ITPR1: variants seen among roughly 807,000 people sequenced by gnomAD.
The protein encoded by ITPR1 is inositol 1,4,5-trisphosphate receptor type 1.
A neutral mutation model predicts 318.4 loss-of-function variants in ITPR1; 96 were observed. The ratio of observed to expected loss-of-function variants is 0.30; its 90% CI spans 0.26 to 0.36. ITPR1 has a LOEUF of 0.36. Among genes scored for constraint, ITPR1 ranks in the 10% least tolerant of loss-of-function variants. The pLI, the probability that ITPR1 is intolerant of heterozygous loss-of-function variation, is 1.00. For missense variants in ITPR1, 2,440 were observed against 3,460.2 expected, an observed-to-expected ratio of 0.71 and a Z score of 7.40; for synonymous variants, 1,312 against 1,289.9, an observed-to-expected ratio of 1.02 and a Z score of -0.37.
Position 4,627,786 on chromosome 3 carries a change from A to G in ITPR1, c.187A>G (p.Met63Val). Residue 63 changes from methionine (M) to valine (V), a missense_variant, in exon 5 of 62, where the codon ATG (methionine) becomes GTG (valine). By Grantham distance (21) the Met-to-Val change is conservative. Coordinates refer to ENST00000649015, the MANE Select transcript of ITPR1 (RefSeq NM_001378452.1). ...FRDCLFKLCP[M>V]NRYSAQKQFW... Reference sequence around the variant, plus strand: ...AGACTGCCTCTTTAAGCTATGTCCCATGAACCGCTACTCTGCCCAAAAGCA... The same window carrying G: ...AGACTGCCTCTTTAAGCTATGTCCCGTGAACCGCTACTCTGCCCAAAAGCA... 6.2e-7 allele frequency: 1 copy of G among 1,613,260 alleles called. No homozygotes were observed. The highest frequency in any genetic ancestry group is 8.5e-7 in the Non-Finnish European group (1 of 1,179,514).
intron 17 of ITPR1, among the ~76,000 whole-genome samples, chr3:4,666,830 A>G (rs1208518725): frequency 1.3e-5 from 2 of 152,204 alleles, no homozygotes; most frequent in African/African-American, 4.8e-5. Context: ...GAGAAACCAG[A>G]GATGTATTCA....
chr3:4,690,112 A>G (rs533961670), intron 31 of ITPR1, among the ~76,000 whole-genome samples: 17 of 152,330 alleles, frequency 1.1e-4, no homozygotes, highest in Admixed American at 3.3e-4. Flanking sequence ...CCTTATCTCT[A>G]TTAAAAATAC....
rs576434438 is a variant in ITPR1 at position 4,717,220 on chromosome 3, A to C, written c.5104-147A>C. ...CACTGTGAGCTCTGGCCGTGTCCTA[A>C]GCGCCCAAGCCTCTTAGGATGGTTA... On this transcript the variant is annotated intron_variant, in intron 39 of 61. Coordinates refer to ENST00000649015, the MANE Select transcript of ITPR1 (RefSeq NM_001378452.1). The C allele has an allele frequency of 1.8e-4, 126 of 713,482 alleles. No homozygotes were observed. In the African/African-American group the frequency reaches 2.0e-3, roughly 12 times the overall value. The allele number at this position is 713,482 out of a possible 1,614,324, so 44.2% of individuals were successfully genotyped here. A position where few individuals can be genotyped will look rare whatever the true frequency, so the allele number is the denominator to read the frequency against.
intron 4 of ITPR1, among the ~76,000 whole-genome samples, chr3:4,533,311 G>A (rs769571362): frequency 7.9e-5 from 12 of 152,348 alleles, no homozygotes; most frequent in South Asian, 6.2e-4. Context: ...ACACTACAGC[G>A]TGGTGGTTAG....
rs17041262 is a variant in ITPR1 at position 4,711,494 on chromosome 3, C to T, written c.4992-263C>T. 50,034 of 374,970 alleles carry T rather than the reference C, an allele frequency of 0.13. 3,684 individuals carry two copies. The highest frequency in any genetic ancestry group is 0.16 in the Admixed American group (3,762 of 23,640). 23.2% of individuals were successfully genotyped at this position (374,970 alleles called of 1,614,324 possible). ...TGAGTGGACCTCTGTCTCGGTTCTC[C>T]TCTCCATATAATCTCTCCATTGTAT... On this transcript the variant is annotated intron_variant, in intron 38 of 61. Coordinates refer to ENST00000649015, the MANE Select transcript of ITPR1 (RefSeq NM_001378452.1).
intron 52 of ITPR1, among the ~76,000 whole-genome samples, chr3:4,791,572 G>C (rs2047557453): frequency 6.6e-6 from 1 of 152,142 alleles, no homozygotes; most frequent in Non-Finnish European, 1.5e-5. Context: ...ACAGGCTATG[G>C]GCCAGAACTG....
At chr3:4,681,250 TG>T in intron 25 of ITPR1, 113 bp from the exon 26 acceptor site, 1 of 718,014 alleles carries the variant, frequency 1.4e-6, no homozygotes, top group Non-Finnish European at 2.5e-6. Flanking sequence ...TATAATGTTC[TG>T]GGAGATTTGG....
intron 44 of ITPR1, among the ~76,000 whole-genome samples, chr3:4,736,876 G>A (rs1003028287): frequency 3.3e-5 from 5 of 152,162 alleles, no homozygotes; most frequent in African/African-American, 9.7e-5. Flanking sequence ...GCTATACCAG[G>A]GGCGATGATG....
At chr3:4,511,303 C>T (rs780862525) in intron 2 of ITPR1, among the ~76,000 whole-genome samples, 2 of 152,074 alleles carry the variant, frequency 1.3e-5, no homozygotes, top group African/African-American at 2.4e-5. Context: ...CTTCCCTGCC[C>T]CCCCTTTTTT....
intron 4 of ITPR1, among the ~76,000 whole-genome samples, chr3:4,543,162 C>T (rs890897866): frequency 2.0e-5 from 3 of 151,576 alleles, no homozygotes; most frequent in East Asian, 1.9e-4. Flanking sequence ...TTCAGCTACT[C>T]GACAGGCTTA....
chr3:4,701,478 C>A (rs2094650755), intron 35 of ITPR1, among the ~76,000 whole-genome samples: 1 of 152,180 alleles, frequency 6.6e-6, no homozygotes, highest in Non-Finnish European at 1.5e-5. Flanking sequence ...GTTTCCCGGG[C>A]TGCCTCTGCT....
chr3:4,718,156 T>G (rs1162228794), intron 40 of ITPR1, among the ~76,000 whole-genome samples: 3 of 152,252 alleles, frequency 2.0e-5, no homozygotes, highest in African/African-American at 7.2e-5. Context: ...TCAGTATTCC[T>G]TGCTGTATTT....
chr3:4,707,419 T>G (rs1215099567), intron 37 of ITPR1, among the ~76,000 whole-genome samples: 1 of 152,218 alleles, frequency 6.6e-6, no homozygotes, highest in Non-Finnish European at 1.5e-5. Flanking sequence ...CTGAAACATC[T>G]CCATATAGCC....
chr3:4,674,523 G>A (rs980725626), intron 22 of ITPR1, among the ~76,000 whole-genome samples, 180 bp downstream of exon 22: 4 of 152,162 alleles, frequency 2.6e-5, no homozygotes, highest in African/African-American at 9.7e-5. Flanking sequence ...CCAGTCACAT[G>A]GCTTAATAGT....
chr3:4,702,932 C>T lies in ITPR1; in HGVS notation c.4639C>T (p.Arg1547Trp), dbSNP rs765591834. 6 of 1,613,692 alleles carry T rather than the reference C, an allele frequency of 3.7e-6. No individual in the cohort carries two copies. Among genetic ancestry groups the T allele is most frequent in the African/African-American group, 1.3e-5 (1 of 74,894 alleles). ...SQKASVESCIRVLSDVAKSRA... is the reference protein window; with the variant it reads ...SQKASVESCIWVLSDVAKSRA... ...AAAAGCCTCCGTGGAGAGCTGTATTCGGGTGCTGTCTGATGTAGGTAAGAT... is the reference window on the plus strand; with the variant it reads ...AAAAGCCTCCGTGGAGAGCTGTATTTGGGTGCTGTCTGATGTAGGTAAGAT... The change falls in exon 36 of 62, where the codon CGG becomes TGG. Residue 1547 changes from arginine (R) to tryptophan (W), a missense_variant. Physicochemically the swap from Arg to Trp is moderately radical, Grantham distance 101. Transcript: ENST00000649015.
At chr3:4,674,173 T>C (rs2094141454) in intron 21 of ITPR1, 29 bp from the exon 22 acceptor site, 1 of 1,526,444 alleles carries the variant, frequency 6.6e-7, no homozygotes, top group South Asian at 1.3e-5. Flanking sequence ...CTTGAAATTT[T>C]GTTTCCTTTC....
intron 4 of ITPR1, among the ~76,000 whole-genome samples, chr3:4,548,715 C>G (rs2085268293): frequency 6.6e-6 from 1 of 152,046 alleles, no homozygotes; most frequent in Non-Finnish European, 1.5e-5. Flanking sequence ...AATTTGAGGG[C>G]TAGTAACTAA....
Position 4,836,911 on chromosome 3 carries a change from C to T in ITPR1, c.8166C>T (p.Gly2722=). The change falls in exon 61 of 62, where the codon GGC becomes GGT. Residue 2722 remains glycine, a synonymous_variant. Transcript: ENST00000649015. ...STMKLVTNLS[G]QLSELKDQMT... is the part of the protein sequence containing the mutation. The stretch of plus-strand genomic sequence containing the variant: ...TGAAACTTGTCACGAACCTTTCTGG[C>T]CAGCTGTCGGAATTAAAGGATCAGG... 1 of 1,591,120 alleles carries T rather than the reference C, an allele frequency of 6.3e-7. No homozygotes were observed. The highest frequency in any genetic ancestry group is 8.6e-7 in the Non-Finnish European group (1 of 1,163,810).
In ITPR1 at chr3:4,670,722, T is replaced by C. The variant is rs764512335; in HGVS notation, c.2007-7T>C. ...AGTAACTTTTCCCTCCTCCTCTTGTTTTCTAGGTTGGTTCTTTCTCGTTTT... is the reference window on the plus strand; with the variant it reads ...AGTAACTTTTCCCTCCTCCTCTTGTCTTCTAGGTTGGTTCTTTCTCGTTTT... On this transcript the variant is annotated splice_polypyrimidine_tract_variant and splice_region_variant and intron_variant, in intron 19 of 61. Coordinates refer to ENST00000649015, the MANE Select transcript of ITPR1 (RefSeq NM_001378452.1). The C allele has an allele frequency of 3.2e-6, 5 of 1,564,026 alleles. No individual in the cohort carries two copies. In the East Asian group the frequency reaches 1.1e-4, roughly 36 times the overall value.
Sources: gnomAD v4.1 joint callset for allele counts (sites outside exome capture counted in the v4.1 genomes callset) on GRCh38, gnomAD v4.1.1 for gene constraint, MANE v1.5 for transcripts, NCBI Gene and HGNC (gene_info 2026-07-23, HGNC 2026-07-21) for gene names.